The following NCKAP5 variants were observed in gnomAD, a reference collection of about 807,000 sequenced individuals.
NCKAP5 encodes the protein nck-associated protein 5.
NCKAP5 carries 92 observed loss-of-function variants against 167.0 expected under a neutral mutation model. That is an observed-to-expected ratio of 0.55 (90% CI 0.47 to 0.66). The LOEUF (loss-of-function observed/expected upper bound fraction) is 0.66, where lower values mean the gene tolerates loss of function less well. Among genes scored for constraint, NCKAP5 ranks in the 30% least tolerant of loss-of-function variants. The pLI, the probability that NCKAP5 is intolerant of heterozygous loss-of-function variation, is 0.00. For missense variants in NCKAP5, 2,378 were observed against 2,315.0 expected (o/e 1.03, Z -0.56); for synonymous variants, 891 against 877.4 (o/e 1.02, Z -0.27).
intron 6 of NCKAP5, among the ~76,000 whole-genome samples, chr2:133,036,025 T>C (rs2079029230): frequency 6.6e-6 from 1 of 151,854 alleles, no homozygotes; most frequent in African/African-American, 2.4e-5. Context: ...TTTAAAGGAT[T>C]ATTAGGGGCT....
At chr2:133,194,960 T>C (rs556690122) in intron 5 of NCKAP5, among the ~76,000 whole-genome samples, 1 of 152,030 alleles carries the variant, frequency 6.6e-6, no homozygotes, top group African/African-American at 2.4e-5. Flanking sequence ...TCACCAAGAC[T>C]CCTCAGAACT....
intron 5 of NCKAP5, among the ~76,000 whole-genome samples, chr2:133,170,861 C>T (rs2084218958): frequency 1.3e-5 from 2 of 151,860 alleles, no homozygotes; most frequent in Non-Finnish European, 2.9e-5. Flanking sequence ...GCAGATCTAC[C>T]CTCCCAAGCA....
At chr2:132,942,639 C>A (rs920117259) in intron 8 of NCKAP5, among the ~76,000 whole-genome samples, 59 of 152,114 alleles carry the variant, frequency 3.9e-4, no homozygotes, top group African/African-American at 1.3e-3. Flanking sequence ...GGATGGGAAA[C>A]AACAGAGTTA....
At chr2:132,806,438 T>C (rs987698112) in intron 11 of NCKAP5, among the ~76,000 whole-genome samples, 1 of 152,096 alleles carries the variant, frequency 6.6e-6, no homozygotes, top group Admixed American at 6.6e-5. Context: ...TGACATCTCC[T>C]GTTTTTTTTT....
At chr2:132,683,476 G>A (rs1285260034) in intron 19 of NCKAP5, among the ~76,000 whole-genome samples, 1 of 152,136 alleles carries the variant, frequency 6.6e-6, no homozygotes, top group South Asian at 2.1e-4. Context: ...GAGCCATCTG[G>A]GGCTTTCTCC....
At chr2:133,553,988 G>C (rs765383276) in intron 2 of NCKAP5, among the ~76,000 whole-genome samples, 30 of 152,198 alleles carry the variant, frequency 2.0e-4, no homozygotes, top group Non-Finnish European at 3.4e-4. Context: ...TCAGACCTCA[G>C]GTGTCTGGGA....
In NCKAP5 at chr2:133,129,992, C is replaced by A; in HGVS notation, c.327G>T (p.Gln109His). Residue 109 changes from glutamine (Q) to histidine (H), a missense_variant, in exon 6 of 20, where the codon CAG (glutamine) becomes CAT (histidine). By Grantham distance (24) the Gln-to-His change is conservative. This residue lies in a region of NCKAP5 where 1,049 missense variants were observed against 1,023.4 expected (regional missense o/e 1.02). Transcript: ENST00000409261. ...AAGAACAATACCTGGAGAACTGCTG[C>A]TGCAAGCTACGCATCTGAATTCTGT... is the stretch of plus-strand genomic sequence containing the variant. The part of the protein sequence containing the change: ...ERNRIQMRSL[Q>H]QQFSRMEETV... The A allele has an allele frequency of 6.2e-7, 1 of 1,606,698 alleles. No homozygotes were observed. Among genetic ancestry groups the A allele is most frequent in the Non-Finnish European group, 8.5e-7 (1 of 1,177,718 alleles).
chr2:133,597,484 A>G, the NCKAP5 span, among the ~76,000 whole-genome samples: 1 of 152,152 alleles, frequency 6.6e-6, no homozygotes, highest in East Asian at 1.9e-4. Context: ...CCTGGCTAAC[A>G]AGGTGAAACC....
the NCKAP5 span, among the ~76,000 whole-genome samples, chr2:133,628,528 T>A: frequency 1.3e-5 from 2 of 152,122 alleles, no homozygotes; most frequent in African/African-American, 4.8e-5. Context: ...TCCATGCTCA[T>A]GGAAAGGAAG....
At chr2:133,102,294 G>T (rs185772399) in intron 6 of NCKAP5, among the ~76,000 whole-genome samples, 1 of 152,010 alleles carries the variant, frequency 6.6e-6, no homozygotes, top group Non-Finnish European at 1.5e-5. Context: ...CTATAGGCAC[G>T]TGCCACCAAG....
At chr2:133,054,193 C>A (rs891647396) in intron 6 of NCKAP5, among the ~76,000 whole-genome samples, 3 of 152,102 alleles carry the variant, frequency 2.0e-5, no homozygotes, top group African/African-American at 7.2e-5. Context: ...AAGTGTTTAC[C>A]CAGAAACTCA....
intron 18 of NCKAP5, 36 bp downstream of exon 18, chr2:132,728,780 G>A: frequency 3.1e-6 from 5 of 1,606,790 alleles, no homozygotes; most frequent in Non-Finnish European, 4.2e-6. Context: ...AGGACCAACA[G>A]GTGGATTGCA....
At chr2:133,447,231 C>T (rs1266475647) in intron 3 of NCKAP5, among the ~76,000 whole-genome samples, 2 of 152,122 alleles carry the variant, frequency 1.3e-5, no homozygotes, top group African/African-American at 4.8e-5. Flanking sequence ...CCTAGAGGGG[C>T]TCAATATTGA....
the NCKAP5 span, among the ~76,000 whole-genome samples, chr2:133,637,173 C>T: frequency 1.4e-4 from 22 of 151,788 alleles, no homozygotes; most frequent in Non-Finnish European, 2.8e-4. Flanking sequence ...TCCCGCACTT[C>T]TCCTACCACC....
At chr2:132,971,184 G>A (rs1156421613) in intron 7 of NCKAP5, among the ~76,000 whole-genome samples, 1 of 152,186 alleles carries the variant, frequency 6.6e-6, no homozygotes, top group African/African-American at 2.4e-5. Context: ...AAATAGCACT[G>A]TAGTGTGTCC....
the NCKAP5 span, among the ~76,000 whole-genome samples, chr2:133,629,741 A>G: frequency 6.6e-6 from 1 of 152,244 alleles, no homozygotes; most frequent in African/African-American, 2.4e-5. Flanking sequence ...ATGCCCATAA[A>G]TGATAGAATG....
chr2:133,040,833 G>A (rs763042452), intron 6 of NCKAP5, among the ~76,000 whole-genome samples: 5 of 152,042 alleles, frequency 3.3e-5, no homozygotes, highest in South Asian at 2.1e-4. Context: ...GTGCAGAGTT[G>A]GGCTGGTCTA....
At chr2:132,877,963 T>C (rs1691413345) in intron 9 of NCKAP5, among the ~76,000 whole-genome samples, 1 of 152,192 alleles carries the variant, frequency 6.6e-6, no homozygotes, top group African/African-American at 2.4e-5. Flanking sequence ...TCCAACTGAA[T>C]TACTCAGACC....
chr2:133,083,415 G>A (rs529975631), intron 6 of NCKAP5, among the ~76,000 whole-genome samples: 1 of 152,152 alleles, frequency 6.6e-6, no homozygotes, highest in Non-Finnish European at 1.5e-5. Flanking sequence ...GGGGACTGAG[G>A]AGAATGGTAT....
Sources: allele counts gnomAD v4.1 joint callset (sites outside exome capture counted in the v4.1 genomes callset), GRCh38; gene constraint gnomAD v4.1.1; regional missense constraint gnomAD v4.1.1; transcripts MANE v1.5; gene names NCBI Gene and HGNC (gene_info 2026-07-23, HGNC 2026-07-21).